The following NOX4 variants were observed in gnomAD, a reference collection of about 807,000 sequenced individuals.
The protein encoded by NOX4 is NADPH oxidase 4, also known as kidney oxidase-1.
NOX4 carries 69 observed loss-of-function variants against 87.6 expected under a neutral mutation model. The observed-to-expected ratio is 0.79, with a 90% CI of 0.65 to 0.96. The LOEUF is 0.96. Ranked by LOEUF, NOX4 falls within the 40% of genes least tolerant of loss-of-function variation. The pLI, the probability that NOX4 is intolerant of heterozygous loss-of-function variation, is 0.00. For synonymous variants in NOX4, 275 were observed against 238.2 expected, an observed-to-expected ratio of 1.15 and a Z score of -1.42; for missense variants, 680 against 681.5, an observed-to-expected ratio of 1.00 and a Z score of 0.02.
intron 17 of NOX4, among the ~76,000 whole-genome samples, chr11:89,335,575 T>C (rs920003309): frequency 2.0e-5 from 3 of 151,776 alleles, no homozygotes; most frequent in Non-Finnish European, 4.4e-5. Context: ...CCATTTTTAA[T>C]ATAGGCCTAT....
chr11:89,493,725 TTATTATTATTA>T (rs1946916878), upstream of NOX4, among the ~76,000 whole-genome samples: 1 of 60,062 alleles, frequency 1.7e-5, no homozygotes, highest in Admixed American at 2.1e-4. Flanking sequence ...GATTGTTTTA[TTATTATTATTA>T]TTATTATTAT....
intron 17 of NOX4, among the ~76,000 whole-genome samples, chr11:89,331,539 T>C (rs1041158693): frequency 1.6e-4 from 24 of 151,818 alleles, no homozygotes; most frequent in Non-Finnish European, 1.8e-4. Context: ...GTAGCTTCCA[T>C]TAAAATGAAA....
intron 17 of NOX4, 33 bp from the exon 18 acceptor site, chr11:89,326,909 G>A (rs759335747): frequency 1.2e-6 from 2 of 1,610,582 alleles, no homozygotes; most frequent in South Asian, 2.2e-5. Context: ...GGAAAATCAG[G>A]TGTAAAATTA....
intron 7 of NOX4, among the ~76,000 whole-genome samples, chr11:89,426,619 T>G (rs1943433975): frequency 6.6e-6 from 1 of 152,094 alleles, no homozygotes; most frequent in Non-Finnish European, 1.5e-5. Flanking sequence ...AGAACCTCAC[T>G]CGTTGCTAGC....
intron 2 of NOX4, among the ~76,000 whole-genome samples, chr11:89,486,220 G>A (rs1006704780): frequency 7.4e-6 from 1 of 135,978 alleles, no homozygotes; most frequent in African/African-American, 2.5e-5. Flanking sequence ...CAGAAGATGA[G>A]ACAGAAGTCA....
At chr11:89,472,593 G>A (rs184695960) in intron 2 of NOX4, among the ~76,000 whole-genome samples, 1 of 152,156 alleles carries the variant, frequency 6.6e-6, no homozygotes, top group African/African-American at 2.4e-5. Flanking sequence ...TGGGAATGTG[G>A]TTTTTCCCTA....
intron 2 of NOX4, among the ~76,000 whole-genome samples, chr11:89,462,464 C>A (rs1181508637): frequency 6.6e-6 from 1 of 152,094 alleles, no homozygotes; most frequent in African/African-American, 2.4e-5. Context: ...ATAGAACTTA[C>A]TATAAAGTTA....
the NOX4 span, among the ~76,000 whole-genome samples, chr11:89,576,562 T>C: frequency 3.3e-5 from 5 of 152,200 alleles, no homozygotes; most frequent in African/African-American, 1.2e-4. Context: ...ATGATAACTG[T>C]CTGCTCACAT....
At chr11:89,462,629 C>T (rs539522531) in intron 2 of NOX4, among the ~76,000 whole-genome samples, 1 of 152,144 alleles carries the variant, frequency 6.6e-6, no homozygotes, top group African/African-American at 2.4e-5. Flanking sequence ...TGAAGAAAAA[C>T]ATTGGTTATC....
chr11:89,428,346 A>G (rs1943566396), intron 7 of NOX4, among the ~76,000 whole-genome samples: 1 of 152,216 alleles, frequency 6.6e-6, no homozygotes, highest in African/African-American at 2.4e-5. Context: ...TCATAATGAC[A>G]GGATCAAATT....
At chr11:89,481,404 C>G (rs1946385995) in intron 2 of NOX4, among the ~76,000 whole-genome samples, 1 of 151,294 alleles carries the variant, frequency 6.6e-6, no homozygotes, top group African/African-American at 2.4e-5. Flanking sequence ...GTACCAAGTG[C>G]TAAGCACTTC....
At chr11:89,382,087 C>G (rs1467324242) in intron 11 of NOX4, among the ~76,000 whole-genome samples, 2 of 152,154 alleles carry the variant, frequency 1.3e-5, no homozygotes, top group East Asian at 3.9e-4. Flanking sequence ...TGTCTGATCA[C>G]CGCAGGGACT....
intron 6 of NOX4, among the ~76,000 whole-genome samples, chr11:89,436,557 TATTA>T (rs1944089695): frequency 6.6e-6 from 1 of 152,206 alleles, no homozygotes; most frequent in South Asian, 2.1e-4. Flanking sequence ...ATATTAAATT[TATTA>T]ATTAGTAGCT....
At chr11:89,480,456 A>G (rs1946347981) in intron 2 of NOX4, among the ~76,000 whole-genome samples, 1 of 152,162 alleles carries the variant, frequency 6.6e-6, no homozygotes, top group Non-Finnish European at 1.5e-5. Flanking sequence ...GCTCAGCACA[A>G]TATTCTGAGA....
chr11:89,358,578 T>C (rs1216025512), intron 12 of NOX4, among the ~76,000 whole-genome samples: 1 of 151,580 alleles, frequency 6.6e-6, no homozygotes, highest in Non-Finnish European at 1.5e-5. Context: ...TTTATTTCTT[T>C]ATAAAAATAG....
chr11:89,411,902 A>G (rs941463495), intron 8 of NOX4, among the ~76,000 whole-genome samples: 5 of 152,144 alleles, frequency 3.3e-5, no homozygotes, highest in African/African-American at 1.2e-4. Flanking sequence ...AAAAGACCCA[A>G]TGATCTGCTG....
In NOX4 at chr11:89,325,883, G is replaced by C. The variant is rs1329410701; in HGVS notation, c.*873C>G. On this transcript the variant is annotated 3_prime_UTR_variant, in exon 18 of 18. Transcript: ENST00000263317. ...AAAAAGGGAAAAGTTATTAGTATATGTGTATATATATATATATATATATAT... is the reference window on the plus strand; with the variant it reads ...AAAAAGGGAAAAGTTATTAGTATATCTGTATATATATATATATATATATAT... The C allele has an allele frequency of 9.4e-6, 1 of 106,640 alleles. No individual in the cohort carries two copies. Among genetic ancestry groups the C allele is most frequent in the Non-Finnish European group, 1.8e-5 (1 of 55,558 alleles). The allele number at this position is 106,640 out of a possible 1,614,324, so 6.6% of individuals were successfully genotyped here.
chr11:89,383,084 A>G (rs2135102376), intron 11 of NOX4, among the ~76,000 whole-genome samples: 1 of 152,144 alleles, frequency 6.6e-6, no homozygotes, highest in East Asian at 1.9e-4. Flanking sequence ...AAACCCCACA[A>G]CAGGAATTAA....
intron 11 of NOX4, among the ~76,000 whole-genome samples, chr11:89,393,571 A>G (rs1327681573): frequency 6.6e-6 from 1 of 152,146 alleles, no homozygotes; most frequent in East Asian, 1.9e-4. Flanking sequence ...AAAAAAGCAT[A>G]ATTTCAGAAA....
Sources: gnomAD v4.1 joint callset for allele counts (sites outside exome capture counted in the v4.1 genomes callset) on GRCh38, gnomAD v4.1.1 for gene constraint, MANE v1.5 for transcripts, NCBI Gene and HGNC (gene_info 2026-07-23, HGNC 2026-07-21) for gene names.